The following TENM4 variants were observed in gnomAD, a reference collection of about 807,000 sequenced individuals.
TENM4 encodes the protein teneurin-4.
A neutral mutation model predicts 243.3 loss-of-function variants in TENM4; 82 were observed. The observed-to-expected ratio is 0.34, with a 90% confidence interval of 0.28 to 0.40. The LOEUF (loss-of-function observed/expected upper bound fraction) is 0.40. Ranked by LOEUF, TENM4 falls within the 10% of genes least tolerant of loss-of-function variation. The pLI is 1.00. For missense variants in TENM4, 3,138 were observed against 3,673.3 expected (o/e 0.85, Z 3.77); for synonymous variants, 1,412 against 1,456.3 (o/e 0.97, Z 0.69).
At chr11:79,023,590 T>C (rs553425267) in intron 6 of TENM4, among the ~76,000 whole-genome samples, 4 of 151,874 alleles carry the variant, frequency 2.6e-5, no homozygotes, top group Non-Finnish European at 4.4e-5. Context: ...ATGATGACTC[T>C]TTCTACAACT....
intron 29 of TENM4, 151 bp downstream of exon 29, chr11:78,687,903 A>G: frequency 1.3e-6 from 1 of 784,618 alleles, no homozygotes. Flanking sequence ...TCAGGCTGGT[A>G]TATTTTGCAA....
At chr11:79,138,898 T>A (rs1366200974) in intron 4 of TENM4, among the ~76,000 whole-genome samples, 1 of 114,508 alleles carries the variant, frequency 8.7e-6, no homozygotes, top group Admixed American at 1.1e-4. Flanking sequence ...AAATATATAT[T>A]ATATTTCTAT....
chr11:79,414,010 A>G (rs1299922428), intron 1 of TENM4, among the ~76,000 whole-genome samples: 4 of 152,168 alleles, frequency 2.6e-5, no homozygotes, highest in Admixed American at 6.5e-5. Flanking sequence ...AGAACAGAAA[A>G]AAAAAGAGTA....
chr11:78,850,061 C>CTCTGTGTGTGTG (rs1555089896), intron 12 of TENM4, among the ~76,000 whole-genome samples: 6 of 149,788 alleles, frequency 4.0e-5, no homozygotes, highest in Admixed American at 2.0e-4. Context: ...TTTCAGTGCT[C>CTCTGTGTGTGTG]TGTGTGTGTG....
At chr11:79,420,900 C>G (rs188281107) in intron 1 of TENM4, among the ~76,000 whole-genome samples, 2 of 152,296 alleles carry the variant, frequency 1.3e-5, no homozygotes, top group Non-Finnish European at 2.9e-5. Flanking sequence ...AGGGATGATA[C>G]TTCAACTTCC....
chr11:78,936,458 C>T (rs1374225889), intron 6 of TENM4, among the ~76,000 whole-genome samples: 1 of 152,158 alleles, frequency 6.6e-6, no homozygotes, highest in Non-Finnish European at 1.5e-5. Flanking sequence ...CTAATGGCAG[C>T]TGTGTGCATG....
chr11:79,304,642 G>A (rs917681271), intron 1 of TENM4, among the ~76,000 whole-genome samples: 5 of 152,154 alleles, frequency 3.3e-5, no homozygotes, highest in African/African-American at 4.8e-5. Context: ...AATTTAGGAT[G>A]AGAACACTGT....
chr11:79,369,183 G>A (rs766068820), intron 1 of TENM4, among the ~76,000 whole-genome samples: 8 of 152,096 alleles, frequency 5.3e-5, no homozygotes, highest in Non-Finnish European at 8.8e-5. Flanking sequence ...GCAGGGCCAG[G>A]AGTCACTCCA....
intron 1 of TENM4, among the ~76,000 whole-genome samples, chr11:79,394,562 T>C (rs1014414969): frequency 1.3e-5 from 2 of 152,226 alleles, no homozygotes; most frequent in Non-Finnish European, 2.9e-5. Flanking sequence ...TATAGAGGTA[T>C]TATTTTGTTT....
intron 3 of TENM4, among the ~76,000 whole-genome samples, chr11:79,203,151 A>G (rs143075557): frequency 6.6e-6 from 1 of 152,338 alleles, no homozygotes; most frequent in Non-Finnish European, 1.5e-5. Flanking sequence ...ATGTGGAGAA[A>G]CTGGAACCCT....
intron 9 of TENM4, among the ~76,000 whole-genome samples, chr11:78,871,417 C>G (rs1859125557): frequency 6.6e-6 from 1 of 152,086 alleles, no homozygotes; most frequent in Non-Finnish European, 1.5e-5. Context: ...ATATCAGGAC[C>G]TGGGGAGTGA....
In TENM4 at chr11:78,968,777, T is replaced by C. The variant is rs190219899; in HGVS notation, c.494-65254A>G. Among the ~76,000 whole-genome samples the C allele has an allele frequency of 3.9e-5, 6 of 152,320 alleles. No homozygotes were observed. In the East Asian group the frequency reaches 9.6e-4, roughly 24 times the overall value. On this transcript the variant is annotated intron_variant, in intron 6 of 33. Transcript: ENST00000278550. ...ATTGTCTATGGTCGTAAGGCCCAGA[T>C]GACAACCCATAACTTCAATGCTGTT...
At chr11:78,934,043 C>T (rs1215945629) in intron 6 of TENM4, among the ~76,000 whole-genome samples, 1 of 152,058 alleles carries the variant, frequency 6.6e-6, no homozygotes, top group African/African-American at 2.4e-5. Context: ...AAATACCCCT[C>T]AAATGGGCAG....
chr11:79,322,406 C>A (rs1480115407), intron 1 of TENM4, among the ~76,000 whole-genome samples: 1 of 152,198 alleles, frequency 6.6e-6, no homozygotes, highest in Non-Finnish European at 1.5e-5. Flanking sequence ...ATGAGTCCTG[C>A]AAATTATGTG....
At chr11:78,863,918 C>T (rs1303119599) in intron 9 of TENM4, among the ~76,000 whole-genome samples, 2 of 152,036 alleles carry the variant, frequency 1.3e-5, no homozygotes, top group African/African-American at 4.8e-5. Context: ...TTTGTTATAG[C>T]AAAATATTAG....
chr11:78,757,889 G>A (rs1336344916), intron 18 of TENM4, among the ~76,000 whole-genome samples: 1 of 152,088 alleles, frequency 6.6e-6, no homozygotes, highest in Non-Finnish European at 1.5e-5. Context: ...CCATTAGCAG[G>A]GAATTCTCTT....
chr11:79,306,149 T>C (rs1399468698), intron 1 of TENM4, among the ~76,000 whole-genome samples: 2 of 152,196 alleles, frequency 1.3e-5, no homozygotes, highest in Non-Finnish European at 2.9e-5. Flanking sequence ...TAAATGATGT[T>C]TTTGTGTGGA....
At chr11:79,279,509 G>T (rs775616094) in intron 2 of TENM4, among the ~76,000 whole-genome samples, 12 of 152,112 alleles carry the variant, frequency 7.9e-5, no homozygotes, top group Admixed American at 1.3e-4. Flanking sequence ...GCTATTGCAG[G>T]CCAACCTTAC....
intron 2 of TENM4, among the ~76,000 whole-genome samples, chr11:79,238,044 G>A (rs1864512641): frequency 6.6e-6 from 1 of 152,134 alleles, no homozygotes; most frequent in African/African-American, 2.4e-5. Flanking sequence ...CTCATTAACT[G>A]CCCCTCATAT....
Sources: gnomAD v4.1 joint callset for allele counts (sites outside exome capture counted in the v4.1 genomes callset) on GRCh38, gnomAD v4.1.1 for gene constraint, MANE v1.5 for transcripts, NCBI Gene and HGNC (gene_info 2026-07-23, HGNC 2026-07-21) for gene names.